RBFOX1: variants seen among roughly 807,000 people sequenced by gnomAD.
RBFOX1 encodes the protein RNA binding protein fox-1 homolog 1.
A neutral mutation model predicts 57.7 loss-of-function variants in RBFOX1; 8 were observed. The ratio of observed to expected loss-of-function variants is 0.14; its 90% CI spans 0.08 to 0.25. The LOEUF (loss-of-function observed/expected upper bound fraction) is 0.25. Ranked by LOEUF, RBFOX1 falls within the 10% of genes least tolerant of loss-of-function variation. RBFOX1 has a pLI of 1.00. For synonymous variants in RBFOX1, 326 were observed against 222.4 expected (o/e 1.47, Z -4.15); for missense variants, 611 against 548.5 (o/e 1.11, Z -1.14).
At chr16:5,794,431 A>G (rs73530008) in intron 3 of RBFOX1, among the ~76,000 whole-genome samples, 1 of 151,980 alleles carries the variant, frequency 6.6e-6, no homozygotes, top group Non-Finnish European at 1.5e-5. Context: ...GCACTGTGTG[A>G]TCTATAAAAT....
intron 1 of RBFOX1, among the ~76,000 whole-genome samples, chr16:6,215,930 T>C (rs57871994): frequency 1.3e-5 from 2 of 152,080 alleles, no homozygotes; most frequent in African/African-American, 4.8e-5. Context: ...GATAACTCTC[T>C]AACTGGGAAG....
chr16:5,330,666 A>G (rs1234181203), intron 1 of RBFOX1, among the ~76,000 whole-genome samples: 1 of 151,208 alleles, frequency 6.6e-6, no homozygotes, highest in African/African-American at 2.4e-5. Flanking sequence ...CTGCCTCCCA[A>G]AGTGCTGGGA....
rs201439969 is a variant in RBFOX1, at chr16:6,950,914, C to A, written c.-15-101143C>A. 7.2e-4 allele frequency among the ~76,000 whole-genome samples: 107 copies of A among 149,146 alleles called. 1 individual carries two copies. The highest frequency in any genetic ancestry group is 1.0e-3 in the Non-Finnish European group (69 of 67,082). On this transcript the variant is annotated intron_variant, in intron 3 of 15. Coordinates refer to ENST00000550418, the MANE Select transcript of RBFOX1 (RefSeq NM_018723.4). Reference sequence around the variant, plus strand: ...CTTTTCACTCTTTCTTTCTTTCTCTCTTTTTTTTTGACATAGGATCTTGCT... The same window carrying A: ...CTTTTCACTCTTTCTTTCTTTCTCTATTTTTTTTTGACATAGGATCTTGCT...
chr16:7,521,098 G>GTC (rs1269165074), intron 5 of RBFOX1, among the ~76,000 whole-genome samples: 1 of 19,578 alleles, frequency 5.1e-5, no homozygotes, highest in Non-Finnish European at 5.3e-4. Flanking sequence ...ACCTGCAAAC[G>GTC]TGTAGTCTGA....
chr16:6,501,128 ATTC>A (rs1275257477), intron 2 of RBFOX1, among the ~76,000 whole-genome samples: 4 of 116,406 alleles, frequency 3.4e-5, no homozygotes. Flanking sequence ...CCAGTTAAAC[ATTC>A]TTTTTTTTTT....
At chr16:5,819,057 T>C (rs1550136) in intron 3 of RBFOX1, among the ~76,000 whole-genome samples, 95,071 of 151,942 alleles carry the variant, frequency 0.63, 30,359 homozygotes, top group East Asian at 0.7. Flanking sequence ...CACAGGTCTG[T>C]TCTCCTGCCC....
At chr16:5,469,354 A>T (rs899382428) in intron 2 of RBFOX1, among the ~76,000 whole-genome samples, 7 of 152,192 alleles carry the variant, frequency 4.6e-5, no homozygotes, top group African/African-American at 1.7e-4. Flanking sequence ...CCAACAGAGC[A>T]AGGAAGCATC....
chr16:6,366,622 C>G (rs1004276486), intron 2 of RBFOX1, among the ~76,000 whole-genome samples: 2 of 152,170 alleles, frequency 1.3e-5, no homozygotes, highest in Non-Finnish European at 2.9e-5. Flanking sequence ...TAACTACTTA[C>G]CATGTGCCAG....
chr16:6,658,338 T>A (rs1260882026), intron 3 of RBFOX1, among the ~76,000 whole-genome samples: 1 of 151,872 alleles, frequency 6.6e-6, no homozygotes, highest in African/African-American at 2.4e-5. Context: ...CCTCCCGGGT[T>A]CAAGCGATTC....
At chr16:5,719,160 C>T (rs1053777954) in intron 3 of RBFOX1, among the ~76,000 whole-genome samples, 11 of 151,028 alleles carry the variant, frequency 7.3e-5, no homozygotes, top group Non-Finnish European at 1.6e-4. Flanking sequence ...CTTAGCGTAT[C>T]TACGGAGTTG....
chr16:6,469,521 A>G (rs17140323), intron 2 of RBFOX1, among the ~76,000 whole-genome samples: 1 of 152,194 alleles, frequency 6.6e-6, no homozygotes, highest in East Asian at 1.9e-4. Flanking sequence ...TTTGAAAACA[A>G]GACAAATACG....
At chr16:5,663,298 C>T (rs1476723697) in intron 3 of RBFOX1, among the ~76,000 whole-genome samples, 1 of 152,114 alleles carries the variant, frequency 6.6e-6, no homozygotes, top group Non-Finnish European at 1.5e-5. Context: ...ATAGCTTCAA[C>T]CTCCTGGGTT....
chr16:7,186,865 A>G (rs1236915864), intron 4 of RBFOX1, among the ~76,000 whole-genome samples: 1 of 151,540 alleles, frequency 6.6e-6, no homozygotes, highest in Non-Finnish European at 1.5e-5. Context: ...TTTTTAAAAT[A>G]TAGCTCTCTA....
In RBFOX1 at chr16:5,552,859, G is replaced by C. The variant is rs150838231; in HGVS notation, c.259-46043G>C. Among the ~76,000 whole-genome samples, 586 of 152,200 alleles carry C rather than the reference G, an allele frequency of 3.9e-3. 1 individual carries two copies. Among genetic ancestry groups the C allele is most frequent in the African/African-American group, 0.013 (557 of 41,514 alleles). Reference sequence around the variant, plus strand: ...TTGGGAAACGAGGGAAAAGGGAGAAGGTCAGCATGTTCCCATCTTGATACC... The same window carrying C: ...TTGGGAAACGAGGGAAAAGGGAGAACGTCAGCATGTTCCCATCTTGATACC... On this transcript the variant is annotated intron_variant, in intron 2 of 2. Transcript: ENST00000585867.
At chr16:5,521,495 C>G (rs1345562583) in intron 2 of RBFOX1, among the ~76,000 whole-genome samples, 1 of 144,890 alleles carries the variant, frequency 6.9e-6, no homozygotes, top group African/African-American at 2.6e-5. Flanking sequence ...GTCTCATTGA[C>G]CCGAACCTGT....
rs116316230 is a variant in RBFOX1, at chr16:5,869,200, A to G, written c.351+1865A>G. On this transcript the variant is annotated intron_variant, in intron 4 of 19. Coordinates refer to the RBFOX1 transcript ENST00000641259. ...GTAAATATTAGTTCTGCCAGTCATG[A>G]AGGACTGATTGCGCTTTCTGGAGCA... is the stretch of plus-strand genomic sequence containing the variant. 5.2e-3 allele frequency among the ~76,000 whole-genome samples: 798 copies of G among 152,104 alleles called. 10 individuals are homozygous for G. The highest frequency in any genetic ancestry group is 0.017 in the African/African-American group (695 of 41,502).
At chr16:6,970,963 C>T (rs2085400154) in intron 3 of RBFOX1, among the ~76,000 whole-genome samples, 1 of 152,182 alleles carries the variant, frequency 6.6e-6, no homozygotes, top group Admixed American at 6.5e-5. Context: ...CATACCTACC[C>T]ATTTCCTCCT....
In RBFOX1 at chr16:5,395,046, C is replaced by T. The variant is rs544237666; in HGVS notation, c.220-72170C>T. ...ACATTTCAAGCCAGGTGCTCGACAC[C>T]CTTCAGAATCTCTTCCCAACCTGCC... On this transcript the variant is annotated intron_variant, in intron 1 of 2. Coordinates refer to the RBFOX1 transcript ENST00000585867. Among the ~76,000 whole-genome samples, 200 of 152,296 alleles carry T rather than the reference C, an allele frequency of 1.3e-3. 1 individual carries two copies. Among genetic ancestry groups the T allele is most frequent in the African/African-American group, 4.5e-3 (188 of 41,560 alleles).
At chr16:6,205,705 T>C (rs1198086922) in intron 1 of RBFOX1, among the ~76,000 whole-genome samples, 1 of 152,062 alleles carries the variant, frequency 6.6e-6, no homozygotes, top group Non-Finnish European at 1.5e-5. Flanking sequence ...TCTCTCTTTT[T>C]TCTATTTCTT....
Sources: allele counts gnomAD v4.1 joint callset (sites outside exome capture counted in the v4.1 genomes callset), GRCh38; gene constraint gnomAD v4.1.1; transcripts MANE v1.5; gene names NCBI Gene and HGNC (gene_info 2026-07-23, HGNC 2026-07-21).